The following AKAP1 variants were observed in gnomAD, a reference collection of about 807,000 sequenced individuals.
The protein encoded by AKAP1 is A-kinase anchor protein 1, mitochondrial.
Under a neutral mutation model 79.8 loss-of-function variants are expected in AKAP1, and 32 were observed. That is an observed-to-expected ratio of 0.40 (90% CI 0.30 to 0.54). AKAP1 has a LOEUF of 0.54. Ranked by LOEUF, AKAP1 falls within the 20% of genes least tolerant of loss-of-function variation. The pLI, the probability that AKAP1 is intolerant of heterozygous loss-of-function variation, is 0.47. For missense variants in AKAP1, 961 were observed against 1,138.9 expected (o/e 0.84, Z 2.25); for synonymous variants, 416 against 466.7 (o/e 0.89, Z 1.40).
chr17:57,088,194 G>A (rs532190075), intron 1 of AKAP1, among the ~76,000 whole-genome samples: 1 of 152,152 alleles, frequency 6.6e-6, no homozygotes, highest in African/African-American at 2.4e-5. Flanking sequence ...TTCCTTCCTG[G>A]TGTAATACCT....
In AKAP1 at chr17:57,119,830, C is replaced by CTTTTTTTTT. The variant is rs3054874; in HGVS notation, c.2638-408_2638-400dup. Among the ~76,000 whole-genome samples, 350 of 70,298 alleles carry CTTTTTTTTT rather than the reference C, an allele frequency of 5.0e-3. 99 individuals are homozygous for CTTTTTTTTT. The highest frequency in any genetic ancestry group is 0.021 in the African/African-American group (324 of 15,284). 46.1% of individuals were successfully genotyped at this position (70,298 alleles called of 152,430 possible). The stretch of plus-strand genomic sequence containing the variant: ...AAGCCATGTCCCCCACCCTGTTACT[C>CTTTTTTTTT]TTTTTTTTTTTTTTTTTTTTGAGAC... On this transcript the variant is annotated intron_variant, in intron 10 of 10. Transcript: ENST00000337714.
Position 57,105,540 on chromosome 17 carries a change from TTC to T in AKAP1, c.81_82del (p.Arg28Ter). On this transcript the variant is annotated frameshift_variant, in exon 2 of 11. Transcript: ENST00000337714. LOFTEE classifies it high-confidence loss of function. The stretch of plus-strand genomic sequence containing the variant: ...GGCGCTCCTCGGCTGGTGGTGGTTT[TTC>T]TCTCGTAAAAAAGGCCATGTCAGCA... ...MLALLGWWWFFSRKKGHVSSH... is the reference protein window; with the variant it reads ...MLALLGWWWFXSRKKGHVSSH... The T allele has an allele frequency of 6.2e-7, 1 of 1,614,096 alleles. No homozygotes were observed.
chr17:57,108,999 C>T lies in AKAP1; in HGVS notation c.1715-1026C>T, dbSNP rs116032575. Among the ~76,000 whole-genome samples, 1,001 of 152,334 alleles carry T rather than the reference C, an allele frequency of 6.6e-3. 12 individuals carry two copies. The highest frequency in any genetic ancestry group is 0.022 in the African/African-American group (932 of 41,576). ...TTCCCTGCATGAATCCTGTTCGAAG[C>T]GCCTAGTGTTAAGGGGGGAAGTCAT... On this transcript the variant is annotated intron_variant, in intron 2 of 10. Coordinates refer to ENST00000337714, the MANE Select transcript of AKAP1 (RefSeq NM_003488.4).
chr17:57,120,168 G>A lies in AKAP1; in HGVS notation c.2638-82G>A, dbSNP rs115335630. ...ACATCTGTTGCCTGCAGTGGCAACCGGGGAGGGGAGAACTCATGTTGGCTA... is the reference window on the plus strand; with the variant it reads ...ACATCTGTTGCCTGCAGTGGCAACCAGGGAGGGGAGAACTCATGTTGGCTA... On this transcript the variant is annotated intron_variant, in intron 10 of 10. Transcript: ENST00000337714. The A allele has an allele frequency of 1.4e-3, 1,830 of 1,312,226 alleles. 19 individuals are homozygous for A. The African/African-American group carries it at 0.025, about 18-fold the overall frequency. 81.3% of individuals were successfully genotyped at this position (1,312,226 alleles called of 1,614,324 possible).
At chr17:57,100,582 C>T (rs79193294) in intron 1 of AKAP1, among the ~76,000 whole-genome samples, 1 of 152,190 alleles carries the variant, frequency 6.6e-6, no homozygotes, top group Admixed American at 6.5e-5. Flanking sequence ...GTGCCCACTG[C>T]ACTCCAGCTT....
chr17:57,118,680 G>A (rs530940779), intron 9 of AKAP1, among the ~76,000 whole-genome samples: 1 of 152,294 alleles, frequency 6.6e-6, no homozygotes, highest in African/African-American at 2.4e-5. Flanking sequence ...TCACAATTCT[G>A]CGGGCCTGGG....
In AKAP1 at chr17:57,086,153, C is replaced by T; in HGVS notation, c.-25+755C>T. 1 of 309,928 alleles carries T rather than the reference C, an allele frequency of 3.2e-6. No homozygotes were observed. The highest frequency in any genetic ancestry group is 6.3e-6 in the Non-Finnish European group (1 of 158,200). 19.2% of individuals were successfully genotyped at this position (309,928 alleles called of 1,614,324 possible). A position where few individuals can be genotyped will look rare whatever the true frequency, so the allele number is the denominator to read the frequency against. Reference sequence around the variant, plus strand: ...CGTGTCCGGAGGGGTGGAGGCCGTCCAGCCTGGGGTGTCTGCCGACCTCAC... The same window carrying T: ...CGTGTCCGGAGGGGTGGAGGCCGTCTAGCCTGGGGTGTCTGCCGACCTCAC... On this transcript the variant is annotated intron_variant, in intron 1 of 10. Transcript: ENST00000337714. This position sits in a 1 kb window ranked among gnomAD's most constrained non-coding sequence, Gnocchi z 5.1.
At chr17:57,091,011 C>A (rs1044828928) in intron 1 of AKAP1, among the ~76,000 whole-genome samples, 2 of 152,244 alleles carry the variant, frequency 1.3e-5, no homozygotes, top group Non-Finnish European at 2.9e-5. Context: ...ACAGCCCCAG[C>A]CCCCATCCCT....
intron 2 of AKAP1, among the ~76,000 whole-genome samples, chr17:57,108,970 A>G (rs1597981937): frequency 6.6e-6 from 1 of 152,246 alleles, no homozygotes; most frequent in African/African-American, 2.4e-5. Flanking sequence ...CAGAAGGGGT[A>G]CTTTTCCCTG....
intron 1 of AKAP1, chr17:57,096,128 AGTTC>A (rs1356673204): frequency 6.6e-6 from 1 of 152,246 alleles, no homozygotes; most frequent in East Asian, 1.9e-4. Flanking sequence ...GAGACTGGGC[AGTTC>A]AACCTCGGGT....
rs2270275 is a variant in AKAP1 at position 57,110,171 on chromosome 17, T to G, written c.1848+13T>G. On this transcript the variant is annotated intron_variant, in intron 3 of 10. Transcript: ENST00000337714. ...CGAGGTGCCAAAGGTAGGGGCGGAG[T>G]CCCCCAGGCTGGTTCTGTGGTAAGC... 1 of 1,612,090 alleles carries G rather than the reference T, an allele frequency of 6.2e-7. No homozygotes were observed. Among genetic ancestry groups the G allele is most frequent in the Non-Finnish European group, 8.5e-7 (1 of 1,179,536 alleles).
chr17:57,110,936 C>A, intron 3 of AKAP1, among the ~76,000 whole-genome samples: 1 of 152,022 alleles, frequency 6.6e-6, no homozygotes, highest in East Asian at 1.9e-4. Context: ...ACCGCATTCT[C>A]CCAGGGCCCT....
chr17:57,115,827 C>T (rs1915544911), intron 6 of AKAP1, among the ~76,000 whole-genome samples: 1 of 152,176 alleles, frequency 6.6e-6, no homozygotes, highest in South Asian at 2.1e-4. Context: ...CCTCTTGGGT[C>T]CCAGAAGTTT....
At chr17:57,097,363 A>G (rs28697125) in intron 1 of AKAP1, among the ~76,000 whole-genome samples, 2,387 of 152,340 alleles carry the variant, frequency 0.016, 71 homozygotes, top group African/African-American at 0.055. Context: ...GGTGATCAGA[A>G]TCTTCTGCTT....
chr17:57,113,594 C>CTCT (rs1915389254), intron 5 of AKAP1, among the ~76,000 whole-genome samples: 5 of 82,510 alleles, frequency 6.1e-5, no homozygotes, highest in Admixed American at 2.7e-4. Flanking sequence ...GACTCACTCT[C>CTCT]TTTTTTTTTT....
In AKAP1 at chr17:57,086,498, C is replaced by T; in HGVS notation, c.-25+1100C>T. ...GGGATGTCCTGGGTGGCGGCGCCTT[C>T]CTGCCGCCGTTAACACAAACCCGGT... On this transcript the variant is annotated intron_variant, in intron 1 of 10. Coordinates refer to ENST00000337714, the MANE Select transcript of AKAP1 (RefSeq NM_003488.4). This position sits in a 1 kb window ranked among gnomAD's most constrained non-coding sequence, Gnocchi z 5.1. The T allele has an allele frequency of 2.2e-6, 1 of 451,680 alleles. No individual in the cohort carries two copies. Among genetic ancestry groups the T allele is most frequent in the South Asian group, 1.6e-5 (1 of 64,068 alleles). 28.0% of individuals were successfully genotyped at this position (451,680 alleles called of 1,614,324 possible). A position where few individuals can be genotyped will look rare whatever the true frequency, so the allele number is the denominator to read the frequency against.
intron 1 of AKAP1, among the ~76,000 whole-genome samples, chr17:57,104,560 C>G (rs181710474): frequency 3.0e-4 from 45 of 152,338 alleles, no homozygotes; most frequent in African/African-American, 1.0e-3. Flanking sequence ...TTTACATGAG[C>G]TGAGAAGACT....
chr17:57,095,950 G>C (rs946479965), intron 1 of AKAP1: 1 of 152,206 alleles, frequency 6.6e-6, no homozygotes, highest in African/African-American at 2.4e-5. Flanking sequence ...GGCCAGAGGT[G>C]AGGGGCAAGG....
intron 1 of AKAP1, among the ~76,000 whole-genome samples, chr17:57,089,829 G>C (rs1913673965): frequency 6.6e-6 from 1 of 152,188 alleles, no homozygotes; most frequent in Non-Finnish European, 1.5e-5. Flanking sequence ...CTTCAGAAAG[G>C]ACCTGGGGAC....
Sources: gnomAD v4.1 joint callset for allele counts (sites outside exome capture counted in the v4.1 genomes callset) on GRCh38, gnomAD v4.1.1 for gene constraint, Gnocchi (gnomAD v3.1) non-coding constraint, MANE v1.5 for transcripts, NCBI Gene and HGNC (gene_info 2026-07-23, HGNC 2026-07-21) for gene names.